AXDND1: variants seen among roughly 807,000 people sequenced by gnomAD.
AXDND1 encodes axonemal dynein light chain domain containing 1, also known as axonemal dynein light chain domain-containing protein 1.
Under a neutral mutation model 137.5 loss-of-function variants are expected in AXDND1, and 110 were observed. That is an observed-to-expected ratio of 0.80 (90% confidence interval 0.69 to 0.94). AXDND1 has a LOEUF of 0.94. AXDND1 is among the 40% of genes least tolerant of loss of function. AXDND1 has a pLI of 0.00. For missense variants in AXDND1, 1,191 were observed against 1,169.8 expected (o/e 1.02, Z -0.26); for synonymous variants, 414 against 399.7 (o/e 1.04, Z -0.43).
chr1:179,516,479 G>T (rs1482247795), intron 21 of AXDND1, among the ~76,000 whole-genome samples: 1 of 152,106 alleles, frequency 6.6e-6, no homozygotes, highest in Non-Finnish European at 1.5e-5. Flanking sequence ...TTCTTGGTTT[G>T]GAACCATTGC....
intron 15 of AXDND1, among the ~76,000 whole-genome samples, chr1:179,444,038 T>C (rs535584864): frequency 1.3e-5 from 2 of 148,306 alleles, no homozygotes; most frequent in South Asian, 4.3e-4. Flanking sequence ...ATATACAACA[T>C]GTCTAGTTTA....
At chr1:179,480,304 CA>C (rs1287312127) in intron 17 of AXDND1, among the ~76,000 whole-genome samples, 1 of 152,162 alleles carries the variant, frequency 6.6e-6, no homozygotes, top group Non-Finnish European at 1.5e-5. Flanking sequence ...AGGTGAAAGG[CA>C]CATCTCACAT....
chr1:179,545,151 G>C (rs1314418318), intron 25 of AXDND1: 1 of 152,262 alleles, frequency 6.6e-6, no homozygotes, highest in Non-Finnish European at 1.5e-5. Context: ...CTCAGCAAGG[G>C]CTCCCTGCTG....
chr1:179,479,087 G>T (rs368050673), intron 17 of AXDND1, among the ~76,000 whole-genome samples: 14 of 152,222 alleles, frequency 9.2e-5, no homozygotes, highest in African/African-American at 3.4e-4. Context: ...GTGAGACAGA[G>T]AGAGACTCTG....
At chr1:179,408,948 T>A (rs1289609490) in intron 11 of AXDND1, among the ~76,000 whole-genome samples, 1 of 143,202 alleles carries the variant, frequency 7.0e-6, no homozygotes, top group Non-Finnish European at 1.5e-5. Flanking sequence ...ACTCTTAAAG[T>A]GTGTTTTCTT....
intron 11 of AXDND1, among the ~76,000 whole-genome samples, chr1:179,403,787 T>C (rs1300756382): frequency 6.6e-6 from 1 of 152,192 alleles, no homozygotes; most frequent in East Asian, 1.9e-4. Context: ...TTGGCCAGGC[T>C]GGTCTGGAAC....
At position 179,492,920 on chromosome 1, in the gene AXDND1, C is replaced by T. The variant is rs1163464857; in HGVS notation, c.2357C>T (p.Thr786Ile). ...SKSTNSHKNA[T>I]EDLYEVDKLK... ...TCCACTAACTCACACAAAAATGCTA[C>T]TGAAGACCTTTATGAGGTGGATAAG... Residue 786 changes from threonine to isoleucine, a missense_variant, in exon 20 of 26, where the codon ACT (threonine) becomes ATT (isoleucine). Coordinates refer to ENST00000367618, the MANE Select transcript of AXDND1 (RefSeq NM_144696.6). 6.2e-7 allele frequency: 1 copy of T among 1,610,896 alleles called. No individual in the cohort carries two copies. The highest frequency in any genetic ancestry group is 8.5e-7 in the Non-Finnish European group (1 of 1,178,644).
chr1:179,540,352 T>A (rs187995063), intron 25 of AXDND1, among the ~76,000 whole-genome samples: 34 of 152,316 alleles, frequency 2.2e-4, no homozygotes, highest in African/African-American at 8.2e-4. Flanking sequence ...TTGTCTTTGA[T>A]GTTGGTGACC....
At chr1:179,497,834 C>G (rs1046525391) in intron 20 of AXDND1, among the ~76,000 whole-genome samples, 4 of 152,096 alleles carry the variant, frequency 2.6e-5, no homozygotes, top group Admixed American at 2.6e-4. Context: ...AGTCAATATA[C>G]AAAAAGCAAT....
chr1:179,478,161 C>T (rs552592913), intron 17 of AXDND1, among the ~76,000 whole-genome samples: 20 of 152,188 alleles, frequency 1.3e-4, no homozygotes, highest in Non-Finnish European at 1.8e-4. Context: ...TCCAGGCACA[C>T]GGTGCATGCT....
chr1:179,399,353 G>C (rs1025017861), intron 11 of AXDND1, among the ~76,000 whole-genome samples: 2 of 152,136 alleles, frequency 1.3e-5, no homozygotes, highest in African/African-American at 4.8e-5. Flanking sequence ...AATAAATGGT[G>C]CTGGGATAAT....
At chr1:179,504,671 C>T (rs532007974) in intron 20 of AXDND1, among the ~76,000 whole-genome samples, 11 of 152,086 alleles carry the variant, frequency 7.2e-5, no homozygotes, top group East Asian at 1.9e-4. Context: ...CATTGCCCTG[C>T]GCCACCCCAT....
chr1:179,506,795 C>A (rs1313672870), intron 20 of AXDND1: 1 of 927,704 alleles, frequency 1.1e-6, no homozygotes, highest in Non-Finnish European at 1.3e-6. Context: ...AGTCTGCCAT[C>A]CACCTTGGAC....
At chr1:179,408,854 A>AT (rs953803115) in intron 11 of AXDND1, among the ~76,000 whole-genome samples, 11 of 148,754 alleles carry the variant, frequency 7.4e-5, no homozygotes, top group East Asian at 5.9e-4. Context: ...CCTGGGTAAA[A>AT]TTTTTTTTTT....
At chr1:179,375,628 T>C (rs201362346) in intron 4 of AXDND1, among the ~76,000 whole-genome samples, 4 of 121,272 alleles carry the variant, frequency 3.3e-5, no homozygotes, top group Admixed American at 7.6e-5. Context: ...TACACACACA[T>C]ATATGTACAT....
chr1:179,387,447 G>A (rs1312226105), intron 9 of AXDND1, among the ~76,000 whole-genome samples: 1 of 152,164 alleles, frequency 6.6e-6, no homozygotes, highest in Non-Finnish European at 1.5e-5. Context: ...GAGCCCTCAC[G>A]ACTTAAACAC....
intron 20 of AXDND1, among the ~76,000 whole-genome samples, chr1:179,500,211 A>C (rs868839561): frequency 3.3e-5 from 5 of 152,078 alleles, no homozygotes; most frequent in Non-Finnish European, 5.9e-5. Context: ...ATTTTGTTCT[A>C]GGAATGCAAG....
chr1:179,444,373 T>G (rs1396125535), intron 15 of AXDND1, among the ~76,000 whole-genome samples: 3 of 152,166 alleles, frequency 2.0e-5, no homozygotes, highest in Non-Finnish European at 2.9e-5. Context: ...TTCAAAGTTC[T>G]TACTCCTAAT....
At chr1:179,500,478 A>T (rs1667890351) in intron 20 of AXDND1, among the ~76,000 whole-genome samples, 1 of 151,896 alleles carries the variant, frequency 6.6e-6, no homozygotes, top group African/African-American at 2.4e-5. Flanking sequence ...ATCTAATAAA[A>T]GTTGATCAGT....
Sources: allele counts gnomAD v4.1 joint callset (sites outside exome capture counted in the v4.1 genomes callset), GRCh38; gene constraint gnomAD v4.1.1; transcripts MANE v1.5; gene names NCBI Gene and HGNC (gene_info 2026-07-23, HGNC 2026-07-21).